Variants in GFOD1 observed in about 807,000 individuals in gnomAD.
The protein encoded by GFOD1 is Gfo/Idh/MocA-like oxidoreductase domain containing 1, also known as glucose-fructose oxidoreductase domain-containing protein 1.
GFOD1 carries 9 observed loss-of-function variants against 25.4 expected under a neutral mutation model. The ratio of observed to expected loss-of-function variants is 0.35; its 90% CI spans 0.21 to 0.62. GFOD1 has a LOEUF of 0.62. Ranked by LOEUF, GFOD1 falls within the 20% of genes least tolerant of loss-of-function variation. GFOD1 has a pLI of 0.72. For missense variants in GFOD1, 403 were observed against 556.9 expected (o/e 0.72, Z 2.78); for synonymous variants, 253 against 245.6 (o/e 1.03, Z -0.28).
At chr6:13,398,313 C>G (rs994346854) in intron 1 of GFOD1, among the ~76,000 whole-genome samples, 1 of 152,110 alleles carries the variant, frequency 6.6e-6, no homozygotes, top group Non-Finnish European at 1.5e-5. Flanking sequence ...TTACGAGGCT[C>G]ACTTCCTTAG....
intron 1 of GFOD1, among the ~76,000 whole-genome samples, chr6:13,429,560 T>C (rs1757713477): frequency 6.6e-6 from 1 of 152,144 alleles, no homozygotes; most frequent in Admixed American, 6.5e-5. Flanking sequence ...TCATAAAGCT[T>C]GGCCAGAAAC....
Position 13,447,740 on chromosome 6 carries a change from CAAAAAAAAAAA to C in GFOD1, c.253+38887_253+38897del, listed in dbSNP as rs34431944. 3.8e-3 allele frequency among the ~76,000 whole-genome samples: 121 copies of C among 31,902 alleles called. 1 individual carries two copies. Among genetic ancestry groups the C allele is most frequent in the Admixed American group, 0.013 (21 of 1,568 alleles). The allele number at this position is 31,902 out of a possible 152,430, so 20.9% of individuals were successfully genotyped here. A position where few individuals can be genotyped will look rare whatever the true frequency, so the allele number is the denominator to read the frequency against. On this transcript the variant is annotated intron_variant, in intron 1 of 1. Transcript: ENST00000379287. Reference sequence around the variant, plus strand: ...TGGGTGACAGAGCGAGACTCCTTCTCAAAAAAAAAAAAAAAAAAAAAAAAAAAAAAAGAGTT... The same window carrying C: ...TGGGTGACAGAGCGAGACTCCTTCTCAAAAAAAAAAAAAAAAAAAAGAGTT...
intron 1 of GFOD1, among the ~76,000 whole-genome samples, chr6:13,478,303 C>G (rs1199057157): frequency 6.6e-6 from 1 of 152,028 alleles, no homozygotes; most frequent in Non-Finnish European, 1.5e-5. Flanking sequence ...CCACTCCCAG[C>G]TAATTTTTAT....
At chr6:13,472,659 T>C (rs1488012820) in intron 1 of GFOD1, among the ~76,000 whole-genome samples, 1 of 152,236 alleles carries the variant, frequency 6.6e-6, no homozygotes, top group Non-Finnish European at 1.5e-5. Flanking sequence ...TCCAGCTTTC[T>C]GAAGTCTGAT....
intron 1 of GFOD1, among the ~76,000 whole-genome samples, chr6:13,371,845 C>G (rs757551936): frequency 2.0e-4 from 31 of 152,136 alleles, no homozygotes; most frequent in South Asian, 2.1e-4. Context: ...AGCTCGCCCC[C>G]CTGAGGGCTC....
intron 1 of GFOD1, among the ~76,000 whole-genome samples, chr6:13,393,066 A>T (rs1394769519): frequency 6.6e-6 from 1 of 151,950 alleles, no homozygotes; most frequent in East Asian, 1.9e-4. Flanking sequence ...TATCGAAAGA[A>T]GAAAAAGGGC....
chr6:13,473,415 C>T (rs577249124), intron 1 of GFOD1, among the ~76,000 whole-genome samples: 4 of 152,304 alleles, frequency 2.6e-5, no homozygotes, highest in Non-Finnish European at 5.9e-5. Context: ...CTTCCCACGC[C>T]CTCTAAGGCG....
In GFOD1 at chr6:13,409,201, G is replaced by GAAAGAAAGAAAGAA. The variant is rs375074286; in HGVS notation, c.254-43540_254-43539insTTCTTTCTTTCTTT. Reference sequence around the variant, plus strand: ...AGAGAGAGAGAAAGAAAGAAAGAAAGAGAAAGAAGGAAAGAGAGAGAGAGG... The same window carrying GAAAGAAAGAAAGAA: ...AGAGAGAGAGAAAGAAAGAAAGAAAGAAAGAAAGAAAGAAAGAAAGAAGGAAAGAGAGAGAGAGG... On this transcript the variant is annotated intron_variant, in intron 1 of 1. Transcript: ENST00000379287. Among the ~76,000 whole-genome samples the GAAAGAAAGAAAGAA allele has an allele frequency of 4.4e-4, 21 of 48,180 alleles. 1 individual carries two copies. The East Asian group carries it at 7.8e-3, about 18-fold the overall frequency. The allele number at this position is 48,180 out of a possible 152,430, so 31.6% of individuals were successfully genotyped here.
At chr6:13,397,698 A>G (rs1455268793) in intron 1 of GFOD1, among the ~76,000 whole-genome samples, 1 of 152,246 alleles carries the variant, frequency 6.6e-6, no homozygotes, top group Non-Finnish European at 1.5e-5. Flanking sequence ...GTACCAATTC[A>G]GTCTTAGGAA....
intron 1 of GFOD1, among the ~76,000 whole-genome samples, chr6:13,470,895 C>T (rs1758488430): frequency 6.6e-6 from 1 of 152,134 alleles, no homozygotes; most frequent in African/African-American, 2.4e-5. Context: ...ACTTAGCAGT[C>T]CCAGTTCCCT....
chr6:13,462,387 C>T (rs1732674254), intron 1 of GFOD1, among the ~76,000 whole-genome samples: 1 of 152,152 alleles, frequency 6.6e-6, no homozygotes, highest in Admixed American at 6.5e-5. Flanking sequence ...CCTATTTGTA[C>T]CCCACCCATC....
At chr6:13,399,184 GA>G (rs964367657) in intron 1 of GFOD1, among the ~76,000 whole-genome samples, 4 of 152,048 alleles carry the variant, frequency 2.6e-5, no homozygotes, top group African/African-American at 7.2e-5. Context: ...GTGGGGGAGG[GA>G]GGGGTGGCAT....
chr6:13,423,324 T>C (rs1385764478), intron 1 of GFOD1, among the ~76,000 whole-genome samples: 2 of 152,182 alleles, frequency 1.3e-5, no homozygotes, highest in African/African-American at 2.4e-5. Flanking sequence ...TTTATTAGAA[T>C]GTTGAGCCCA....
intron 1 of GFOD1, among the ~76,000 whole-genome samples, chr6:13,429,082 C>T (rs1424055394): frequency 1.3e-5 from 2 of 152,162 alleles, no homozygotes; most frequent in African/African-American, 2.4e-5. Flanking sequence ...GATGTGCTCC[C>T]AGGTGGCTCT....
intron 1 of GFOD1, among the ~76,000 whole-genome samples, chr6:13,418,522 C>T (rs1786199316): frequency 6.6e-6 from 1 of 152,166 alleles, no homozygotes; most frequent in Non-Finnish European, 1.5e-5. Flanking sequence ...GTTATGCAGC[C>T]TGTGAAAATA....
At chr6:13,443,745 G>C (rs1196185479) in intron 1 of GFOD1, among the ~76,000 whole-genome samples, 1 of 150,972 alleles carries the variant, frequency 6.6e-6, no homozygotes, top group Non-Finnish European at 1.5e-5. Context: ...GGACCCAGGA[G>C]GCAGAGGTTG....
chr6:13,469,909 A>G lies in GFOD1; in HGVS notation c.253+16729T>C, dbSNP rs1015680515. 1.4e-5 allele frequency: 18 copies of G among 1,299,130 alleles called. No homozygotes were observed. The Admixed American group carries it at 3.9e-4, about 28-fold the overall frequency. The allele number at this position is 1,299,130 out of a possible 1,614,324, so 80.5% of individuals were successfully genotyped here. On this transcript the variant is annotated intron_variant, in intron 1 of 1. Transcript: ENST00000379287. Reference sequence around the variant, plus strand: ...AAATCTGGCACATGGTAAGTACTCCATAGAATGCTAGTTTCTCTTCTCTTT... The same window carrying G: ...AAATCTGGCACATGGTAAGTACTCCGTAGAATGCTAGTTTCTCTTCTCTTT...
chr6:13,369,563 G>T (rs1562194583), intron 1 of GFOD1, among the ~76,000 whole-genome samples: 1 of 152,164 alleles, frequency 6.6e-6, no homozygotes, highest in East Asian at 1.9e-4. Context: ...TTAGGAGGCT[G>T]AGGTGGGAGC....
At chr6:13,407,051 T>C (rs749250811) in intron 1 of GFOD1, among the ~76,000 whole-genome samples, 1 of 152,182 alleles carries the variant, frequency 6.6e-6, no homozygotes, top group African/African-American at 2.4e-5. Context: ...GTGTAAACTT[T>C]CCATGGTGCA....
Sources: allele counts gnomAD v4.1 joint callset (sites outside exome capture counted in the v4.1 genomes callset), GRCh38; gene constraint gnomAD v4.1.1; transcripts MANE v1.5; gene names NCBI Gene and HGNC (gene_info 2026-07-23, HGNC 2026-07-21).